CAST: variants seen among roughly 807,000 people sequenced by gnomAD.
CAST encodes calpastatin.
A neutral mutation model predicts 119.6 loss-of-function variants in CAST; 76 were observed. The ratio of observed to expected loss-of-function variants is 0.64; its 90% confidence interval spans 0.53 to 0.77. The LOEUF is 0.77. Among genes scored for constraint, CAST ranks in the 30% least tolerant of loss-of-function variants. The probability of loss-of-function intolerance (pLI) is 0.00; values close to 1 mark genes in which losing one functional copy is unlikely to be tolerated. For synonymous variants in CAST, 319 were observed against 331.6 expected, an observed-to-expected ratio of 0.96 and a Z score of 0.41; for missense variants, 953 against 946.5, an observed-to-expected ratio of 1.01 and a Z score of -0.09.
chr5:96,330,587 C>T, the CAST span, among the ~76,000 whole-genome samples: 8 of 152,134 alleles, frequency 5.3e-5, no homozygotes, highest in East Asian at 1.9e-4. Context: ...TAGATGGCAA[C>T]GAAAATCATG....
intron 1 of CAST, among the ~76,000 whole-genome samples, chr5:96,600,644 T>C (rs750015495): frequency 1.3e-5 from 2 of 152,186 alleles, no homozygotes; most frequent in African/African-American, 2.4e-5. Flanking sequence ...AACCCAGCTC[T>C]ATGTGTCCCT....
rs779255105 is a variant in CAST at position 96,762,316 on chromosome 5, G to A, written c.1876G>A (p.Val626Ile). The A allele has an allele frequency of 6.2e-7, 1 of 1,608,860 alleles. No homozygotes were observed. The highest frequency in any genetic ancestry group is 1.1e-5 in the South Asian group (1 of 90,140). Residue 626 changes from valine (V) to isoleucine (I), a missense_variant, in exon 25 of 32, where the codon GTT becomes ATT. Val to Ile is a conservative substitution (Grantham distance 29, BLOSUM62 3). Transcript: ENST00000675179. ...AKLAAAISEV[V>I]SQTPASTTQA... is the part of the protein sequence containing the mutation. ...ACTTGCTGCTGCCATCTCTGAAGTG[G>A]TTTCCCAAACCCCAGCTTCAACGAC...
chr5:95,975,585 G>A, the CAST span, among the ~76,000 whole-genome samples: 2 of 152,196 alleles, frequency 1.3e-5, no homozygotes, highest in Non-Finnish European at 2.9e-5. Context: ...GAAATTCAAT[G>A]ATGGTTGAGC....
rs200786408 is a variant in CAST at position 96,605,573 on chromosome 5, G to GA, written c.61-69958dup. On this transcript the variant is annotated intron_variant, in intron 1 of 11. Transcript: ENST00000505143. ...TAGATGTATAAAACGTTGCTAGCCTGAAAAAAAATAGATTACTCACTTCAT... is the reference window on the plus strand; with the variant it reads ...TAGATGTATAAAACGTTGCTAGCCTGAAAAAAAAATAGATTACTCACTTCAT... Among the ~76,000 whole-genome samples the GA allele has an allele frequency of 4.2e-3, 638 of 151,840 alleles. 3 individuals are homozygous for GA. Among genetic ancestry groups the GA allele is most frequent in the African/African-American group, 0.014 (599 of 41,462 alleles).
At chr5:96,692,602 A>G (rs1470750494) in intron 2 of CAST, among the ~76,000 whole-genome samples, 1 of 151,968 alleles carries the variant, frequency 6.6e-6, no homozygotes, top group Admixed American at 6.5e-5. Context: ...TGCCCTGTCT[A>G]CCTAGAATGC....
chr5:96,625,294 C>G (rs1747700502), intron 1 of CAST, among the ~76,000 whole-genome samples: 1 of 152,192 alleles, frequency 6.6e-6, no homozygotes, highest in Non-Finnish European at 1.5e-5. Flanking sequence ...CTCTGTCTCT[C>G]TCTCTCTCTG....
chr5:96,416,998 T>C, the CAST span, among the ~76,000 whole-genome samples: 7 of 152,216 alleles, frequency 4.6e-5, no homozygotes, highest in Admixed American at 6.5e-5. Context: ...GATTTTATTC[T>C]ATTGTGGAAA....
At position 96,741,309 on chromosome 5, in the gene CAST, A is replaced by C. The variant is rs1259116419; in HGVS notation, c.962A>C (p.Asp321Ala). 1 of 1,613,592 alleles carries C rather than the reference A, an allele frequency of 6.2e-7. No homozygotes were observed. The highest frequency in any genetic ancestry group is 1.1e-5 in the South Asian group (1 of 91,064). ...GATGCTATAGACGCCTTGTCATCTG[A>C]CTTCACCTGTGGGTCGCCTACAGCT... Reference protein sequence around the residue: ...PDDAIDALSSDFTCGSPTAAG... With the variant: ...PDDAIDALSSAFTCGSPTAAG... Residue 321 changes from aspartate to alanine, a missense_variant, in exon 14 of 32, where the codon GAC (aspartate) becomes GCC (alanine). Physicochemically the swap from Asp to Ala is moderately radical, Grantham distance 126. Coordinates refer to ENST00000675179, the MANE Select transcript of CAST (RefSeq NM_001750.7).
chr5:96,522,494 T>C (rs1478623167), upstream of CAST, among the ~76,000 whole-genome samples: 1 of 152,192 alleles, frequency 6.6e-6, no homozygotes, highest in African/African-American at 2.4e-5. Context: ...CAAGTCCGTA[T>C]ATTGGTAAAA....
At chr5:96,697,996 TG>T (rs1753493074) in intron 3 of CAST, among the ~76,000 whole-genome samples, 1 of 152,224 alleles carries the variant, frequency 6.6e-6, no homozygotes, top group Non-Finnish European at 1.5e-5. Context: ...TATCAGGACT[TG>T]TATTTAGCAT....
intron 1 of CAST, among the ~76,000 whole-genome samples, chr5:96,595,579 T>C (rs757073655): frequency 1.3e-5 from 2 of 150,548 alleles, no homozygotes; most frequent in Non-Finnish European, 3.0e-5. Context: ...ATGCCAAGGG[T>C]GGGATGGGGA....
intron 1 of CAST, among the ~76,000 whole-genome samples, chr5:96,674,731 T>G (rs1367097053): frequency 6.6e-6 from 1 of 152,224 alleles, no homozygotes; most frequent in Non-Finnish European, 1.5e-5. Flanking sequence ...AGGAATAAGA[T>G]CTGTTGTTCT....
At position 96,765,267 on chromosome 5, in the gene CAST, G is replaced by A; in HGVS notation, c.1979G>A (p.Ser660Asn). ...GATGCCTTGGATAAACTCTCTGACA[G>A]TCTAGGACAAAGGCAGCCTGACCCA... ...LDDALDKLSD[S>N]LGQRQPDPDE... is the part of the protein sequence containing the mutation. Residue 660 changes from serine (S) to asparagine (N), a missense_variant, in exon 26 of 32, where the codon AGT becomes AAT. Ser to Asn is a conservative substitution (Grantham distance 46). Transcript: ENST00000675179. The A allele has an allele frequency of 6.3e-7, 1 of 1,591,252 alleles. No homozygotes were observed. The highest frequency in any genetic ancestry group is 8.6e-7 in the Non-Finnish European group (1 of 1,169,278).
the CAST span, among the ~76,000 whole-genome samples, chr5:96,347,010 A>T: frequency 2.6e-5 from 4 of 152,266 alleles, no homozygotes; most frequent in African/African-American, 7.2e-5. Context: ...CTTGAGAGAT[A>T]GCATACTGGG....
the CAST span, among the ~76,000 whole-genome samples, chr5:96,478,600 A>C: frequency 6.6e-6 from 1 of 152,362 alleles, no homozygotes; most frequent in South Asian, 2.1e-4. Context: ...CTGTGGTTGC[A>C]GGTGGTGCTT....
At chr5:96,299,211 C>T in the CAST span, among the ~76,000 whole-genome samples, 1 of 152,020 alleles carries the variant, frequency 6.6e-6, no homozygotes, top group African/African-American at 2.4e-5. Context: ...CACCATTGCA[C>T]TCCAGCCTGG....
At chr5:96,568,808 G>A (rs1746522783) in intron 1 of CAST, among the ~76,000 whole-genome samples, 1 of 151,924 alleles carries the variant, frequency 6.6e-6, no homozygotes, top group Non-Finnish European at 1.5e-5. Context: ...TCCACCAATA[G>A]CTATAATAAC....
chr5:96,242,808 C>G, the CAST span, among the ~76,000 whole-genome samples: 2 of 152,148 alleles, frequency 1.3e-5, no homozygotes, highest in African/African-American at 4.8e-5. Context: ...GCCCTGTTGA[C>G]TTGACCATAA....
the CAST span, among the ~76,000 whole-genome samples, chr5:96,374,132 T>C: frequency 6.6e-6 from 1 of 152,210 alleles, no homozygotes; most frequent in Non-Finnish European, 1.5e-5. Flanking sequence ...TGCCAGCTAC[T>C]CAGATAAACT....
Sources: allele counts gnomAD v4.1 joint callset (sites outside exome capture counted in the v4.1 genomes callset), GRCh38; gene constraint gnomAD v4.1.1; transcripts MANE v1.5; gene names NCBI Gene and HGNC (gene_info 2026-07-23, HGNC 2026-07-21).